The following PHLDB2 variants were observed in gnomAD, a reference collection of about 807,000 sequenced individuals.
The protein encoded by PHLDB2 is pleckstrin homology-like domain family B member 2.
PHLDB2 carries 71 observed loss-of-function variants against 123.6 expected under a neutral mutation model. That is an observed-to-expected ratio of 0.57 (90% CI 0.47 to 0.70). PHLDB2 has a LOEUF of 0.70. Among genes scored for constraint, PHLDB2 ranks in the 30% least tolerant of loss-of-function variants. The pLI is 0.00. For synonymous variants in PHLDB2, 547 were observed against 541.6 expected, an observed-to-expected ratio of 1.01 and a Z score of -0.14; for missense variants, 1,446 against 1,519.5, an observed-to-expected ratio of 0.95 and a Z score of 0.80.
chr3:111,891,096 C>A (rs1341217950), intron 2 of PHLDB2, among the ~76,000 whole-genome samples: 1 of 152,062 alleles, frequency 6.6e-6, no homozygotes, highest in African/African-American at 2.4e-5. Flanking sequence ...AACTTCCTCA[C>A]TCTGAGCTAT....
intron 1 of PHLDB2, among the ~76,000 whole-genome samples, chr3:111,869,645 C>A (rs1465345981): frequency 2.0e-5 from 3 of 152,068 alleles, no homozygotes; most frequent in Non-Finnish European, 4.4e-5. Flanking sequence ...TTAGCAGTCA[C>A]AAAAAGCCTT....
chr3:111,867,116 G>C (rs2065127857), intron 1 of PHLDB2, among the ~76,000 whole-genome samples: 1 of 152,024 alleles, frequency 6.6e-6, no homozygotes, highest in South Asian at 2.1e-4. Flanking sequence ...GTGATGGCCT[G>C]CTTACTTGTT....
rs73855628 is a variant in PHLDB2 at position 111,794,744 on chromosome 3, G to T, written c.-48-51077G>T. Reference sequence around the variant, plus strand: ...CTGGGCCATGATACACACCTGAGCTGTGGAACTTCAGTCCCTGATACATGA... The same window carrying T: ...CTGGGCCATGATACACACCTGAGCTTTGGAACTTCAGTCCCTGATACATGA... On this transcript the variant is annotated intron_variant, in intron 1 of 17. Coordinates refer to the PHLDB2 transcript ENST00000393923. 6.1e-3 allele frequency among the ~76,000 whole-genome samples: 928 copies of T among 152,338 alleles called. 5 individuals carry two copies. Among genetic ancestry groups the T allele is most frequent in the African/African-American group, 0.021 (864 of 41,566 alleles).
At chr3:111,860,598 G>A (rs745753669) in intron 1 of PHLDB2, among the ~76,000 whole-genome samples, 1 of 152,158 alleles carries the variant, frequency 6.6e-6, no homozygotes, top group Admixed American at 6.5e-5. Context: ...TCCCTCCCAG[G>A]GTTGGGGTTT....
intron 1 of PHLDB2, among the ~76,000 whole-genome samples, chr3:111,867,715 T>G (rs972771528): frequency 1.3e-5 from 2 of 152,176 alleles, no homozygotes; most frequent in African/African-American, 2.4e-5. Context: ...AATTTTTATT[T>G]TTTTGAGATA....
chr3:111,827,181 C>T (rs1320116121), intron 1 of PHLDB2, among the ~76,000 whole-genome samples: 1 of 152,214 alleles, frequency 6.6e-6, no homozygotes, highest in Non-Finnish European at 1.5e-5. Context: ...ATCAAACTGA[C>T]TTATTTAAGA....
chr3:111,968,524 G>C (rs2071954956), intron 15 of PHLDB2, among the ~76,000 whole-genome samples: 1 of 152,202 alleles, frequency 6.6e-6, no homozygotes, highest in African/African-American at 2.4e-5. Flanking sequence ...CTAACATAAA[G>C]TTTTGTTAAG....
chr3:111,796,788 C>T (rs1010052097), intron 1 of PHLDB2, among the ~76,000 whole-genome samples: 1 of 152,176 alleles, frequency 6.6e-6, no homozygotes. Flanking sequence ...GCTGGGATTA[C>T]AAGCATGAGC....
At chr3:111,927,097 T>A (rs2068857927) in intron 5 of PHLDB2, among the ~76,000 whole-genome samples, 1 of 152,128 alleles carries the variant, frequency 6.6e-6, no homozygotes, top group Admixed American at 6.5e-5. Context: ...TTCACATAAA[T>A]GATTATGGGC....
intron 2 of PHLDB2, chr3:111,911,529 C>T: frequency 2.6e-6 from 3 of 1,170,660 alleles, no homozygotes; most frequent in Non-Finnish European, 3.6e-6. Flanking sequence ...CCCCTGCTTC[C>T]TCCCTATAAA....
intron 1 of PHLDB2, among the ~76,000 whole-genome samples, chr3:111,774,101 C>T (rs58663746): frequency 0.19 from 28,856 of 152,176 alleles, 2,889 homozygotes; most frequent in African/African-American, 0.21. Context: ...AATATTGCTG[C>T]TTCATTCACA....
intron 1 of PHLDB2, among the ~76,000 whole-genome samples, chr3:111,817,562 T>G (rs992492145): frequency 1.3e-5 from 2 of 152,248 alleles, no homozygotes; most frequent in Non-Finnish European, 2.9e-5. Context: ...TTCTTTACTT[T>G]TCAAATTAAG....
In PHLDB2 at chr3:111,967,829, G is replaced by C; in HGVS notation, c.3315+5G>C. The C allele has an allele frequency of 6.2e-7, 1 of 1,604,266 alleles. No individual in the cohort carries two copies. Among genetic ancestry groups the C allele is most frequent in the South Asian group, 1.1e-5 (1 of 89,466 alleles). ...AGGGAGAGACAAAGGGCACAGGTTG[G>C]TCGGTCAATCTGAATGCATATGGGC... On this transcript the variant is annotated splice_donor_5th_base_variant and intron_variant, in intron 15 of 17. Transcript: ENST00000431670.
intron 1 of PHLDB2, among the ~76,000 whole-genome samples, chr3:111,869,037 A>G (rs527935892): frequency 8.5e-5 from 13 of 152,352 alleles, no homozygotes; most frequent in African/African-American, 3.1e-4. Context: ...CTAACGTAAA[A>G]CAATGTAGAC....
chr3:111,749,872 T>G (rs947148306), intron 1 of PHLDB2, among the ~76,000 whole-genome samples: 2 of 152,244 alleles, frequency 1.3e-5, no homozygotes, highest in African/African-American at 4.8e-5. Flanking sequence ...AGAAGGCATT[T>G]CCATTTCATG....
At chr3:111,819,900 A>T (rs550610412) in intron 1 of PHLDB2, among the ~76,000 whole-genome samples, 1 of 152,258 alleles carries the variant, frequency 6.6e-6, no homozygotes, top group African/African-American at 2.4e-5. Flanking sequence ...GAAACCAAAC[A>T]AGGTTGACAA....
chr3:111,966,812 A>G (rs80296143), intron 14 of PHLDB2, 109 bp downstream of exon 14: 31,646 of 762,856 alleles, frequency 0.041, 973 homozygotes, highest in South Asian at 0.12. Flanking sequence ...CCTGGAATAA[A>G]TCACTCAACC....
At chr3:111,905,130 C>A (rs954746719) in intron 2 of PHLDB2, among the ~76,000 whole-genome samples, 1 of 152,134 alleles carries the variant, frequency 6.6e-6, no homozygotes, top group Non-Finnish European at 1.5e-5. Context: ...AACCACCCCC[C>A]ACAAAGTCAT....
intron 1 of PHLDB2, among the ~76,000 whole-genome samples, chr3:111,787,813 C>T (rs955393121): frequency 2.0e-5 from 3 of 152,182 alleles, no homozygotes; most frequent in African/African-American, 7.2e-5. Context: ...GGGGTGAATC[C>T]AACCTGATTG....
Sources: allele counts gnomAD v4.1 joint callset (sites outside exome capture counted in the v4.1 genomes callset), GRCh38; gene constraint gnomAD v4.1.1; transcripts MANE v1.5; gene names NCBI Gene and HGNC (gene_info 2026-07-23, HGNC 2026-07-21).